VWA3A: variants seen among roughly 807,000 people sequenced by gnomAD.
VWA3A encodes the protein von Willebrand factor A domain-containing protein 3A.
Under a neutral mutation model 160.4 loss-of-function variants are expected in VWA3A, and 134 were observed. That is an observed-to-expected ratio of 0.84 (90% CI 0.73 to 0.96). The LOEUF (loss-of-function observed/expected upper bound fraction) is 0.96, where lower values mean the gene tolerates loss of function less well. Ranked by LOEUF, VWA3A falls within the 40% of genes least tolerant of loss-of-function variation. VWA3A has a pLI of 0.00. For synonymous variants in VWA3A, 476 were observed against 543.4 expected, an observed-to-expected ratio of 0.88 and a Z score of 1.72; for missense variants, 1,310 against 1,447.9, an observed-to-expected ratio of 0.90 and a Z score of 1.55.
rs747847777 is a variant in VWA3A at position 22,131,603 on chromosome 16, G to A, written c.1746G>A (p.Arg582=). The A allele has an allele frequency of 1.1e-5, 18 of 1,613,424 alleles. No individual in the cohort carries two copies. Among genetic ancestry groups the A allele is most frequent in the Middle Eastern group, 1.6e-4 (1 of 6,082 alleles). Residue 582 remains arginine, a synonymous_variant, in exon 19 of 34, where the codon CGG becomes CGA. Coordinates refer to ENST00000389398, the MANE Select transcript of VWA3A (RefSeq NM_173615.5). ...QSAWRWALNL[R]CRGSRNVLSA... is the part of the protein sequence containing the mutation. The stretch of plus-strand genomic sequence containing the variant: ...TCCGCAGGTGGGCCCTGAACCTGCG[G>A]TGTCGGGGCAGCAGGAACGTTCTCA...
chr16:22,118,759 C>T (rs2045686195), intron 11 of VWA3A, 143 bp from the exon 12 acceptor site: 1 of 1,059,276 alleles, frequency 9.4e-7, no homozygotes, highest in African/African-American at 1.6e-5. Flanking sequence ...CTCTGTCTGG[C>T]ACATGGGTCC....
chr16:22,146,851 C>T (rs1297237482), intron 27 of VWA3A, among the ~76,000 whole-genome samples: 1 of 152,098 alleles, frequency 6.6e-6, no homozygotes, highest in Non-Finnish European at 1.5e-5. Flanking sequence ...CAAAGAGCCC[C>T]AGCGGGAGCT....
rs1458742604 is a variant in VWA3A at position 22,115,517 on chromosome 16, C to T, written c.815+45C>T. On this transcript the variant is annotated intron_variant, in intron 9 of 33. Transcript: ENST00000389398. Reference sequence around the variant, plus strand: ...CAGGTGACATACTACATGAAAAGGACTGAAAAACCAAACCACTTTTTGAGA... The same window carrying T: ...CAGGTGACATACTACATGAAAAGGATTGAAAAACCAAACCACTTTTTGAGA... The T allele has an allele frequency of 3.2e-6, 5 of 1,552,884 alleles. No individual in the cohort carries two copies. The South Asian group carries it at 6.1e-5, about 19-fold the overall frequency.
chr16:22,125,715 G>A (rs376842760), intron 16 of VWA3A, among the ~76,000 whole-genome samples: 2 of 152,040 alleles, frequency 1.3e-5, no homozygotes, highest in African/African-American at 4.8e-5. Flanking sequence ...GAGCCACCGC[G>A]CCCGGCCTTA....
chr16:22,148,592 G>T (rs1186506944), intron 28 of VWA3A, among the ~76,000 whole-genome samples: 1 of 152,034 alleles, frequency 6.6e-6, no homozygotes, highest in African/African-American at 2.4e-5. Context: ...GCAACAAAGT[G>T]TCATCCCATC....
At chr16:22,123,347 T>C (rs970021398) in intron 15 of VWA3A, 182 bp downstream of exon 15, 26 of 1,228,410 alleles carry the variant, frequency 2.1e-5, no homozygotes, top group Non-Finnish European at 2.8e-5. Flanking sequence ...GGGACCTCAA[T>C]GCCTTTAAAA....
rs1338518304 is a variant in VWA3A at position 22,155,547 on chromosome 16, A to G, written c.3406-20A>G. On this transcript the variant is annotated intron_variant, in intron 31 of 33. Coordinates refer to ENST00000389398, the MANE Select transcript of VWA3A (RefSeq NM_173615.5). ...GCTCCCATCCAGTCATAAACTTCACACTCATTTCCTCTTTTCAAGGATCCC... is the reference window on the plus strand; with the variant it reads ...GCTCCCATCCAGTCATAAACTTCACGCTCATTTCCTCTTTTCAAGGATCCC... The G allele has an allele frequency of 6.2e-7, 1 of 1,609,704 alleles. No homozygotes were observed. The highest frequency in any genetic ancestry group is 1.1e-5 in the South Asian group (1 of 90,970).
At position 22,145,837 on chromosome 16, in the gene VWA3A, T is replaced by C. The variant is rs1255075099; in HGVS notation, c.2731-399T>C. On this transcript the variant is annotated intron_variant, in intron 26 of 33. Coordinates refer to ENST00000389398, the MANE Select transcript of VWA3A (RefSeq NM_173615.5). ...TTTTTGTGGGTTTTTGTTTGTTTGT[T>C]GAGACAGGATCTTGCTCTGTCATCC... Among the ~76,000 whole-genome samples the C allele has an allele frequency of 2.0e-5, 3 of 151,964 alleles. No individual in the cohort carries two copies. The South Asian group carries it at 6.2e-4, about 32-fold the overall frequency.
intron 22 of VWA3A, among the ~76,000 whole-genome samples, chr16:22,139,198 C>G (rs1188262757): frequency 6.6e-6 from 1 of 152,276 alleles, no homozygotes; most frequent in Non-Finnish European, 1.5e-5. Flanking sequence ...CCTGTGCAGC[C>G]GGGTTCTGCC....
At chr16:22,094,697 G>C (rs143181378) in intron 1 of VWA3A, among the ~76,000 whole-genome samples, 8 of 152,160 alleles carry the variant, frequency 5.3e-5, no homozygotes, top group Admixed American at 5.2e-4. Context: ...GGGCGTGGTG[G>C]CTCAACACCT....
intron 9 of VWA3A, chr16:22,116,374 GAA>G: frequency 2.4e-6 from 1 of 415,050 alleles, no homozygotes; most frequent in South Asian, 1.8e-5. Flanking sequence ...AAGGAAGAGA[GAA>G]AAAAGAGGAA....
chr16:22,126,441 A>T, intron 17 of VWA3A, 144 bp downstream of exon 17: 1 of 1,243,032 alleles, frequency 8.0e-7, no homozygotes, highest in Non-Finnish European at 1.1e-6. Context: ...GGTTTATCTG[A>T]TTTGGATGAT....
At chr16:22,143,257 G>C (rs2046186857) in intron 25 of VWA3A, among the ~76,000 whole-genome samples, 1 of 152,008 alleles carries the variant, frequency 6.6e-6, no homozygotes, top group Non-Finnish European at 1.5e-5. Flanking sequence ...GCCACTTCCT[G>C]CCTGGGTGAC....
chr16:22,096,997 G>T (rs1232235325), intron 2 of VWA3A, 52 bp downstream of exon 2: 37 of 1,192,728 alleles, frequency 3.1e-5, no homozygotes, highest in South Asian at 1.5e-4. Flanking sequence ...GCAGATTCTC[G>T]CACTGTCTCC....
In VWA3A at chr16:22,131,061, G is replaced by A. The variant is rs950725724; in HGVS notation, c.1653-144G>A. ...CATATGACCCACAAGGAAATCTCAT[G>A]GCTGGCCCAGGCCAGTGACATCCTC... On this transcript the variant is annotated intron_variant, in intron 17 of 33. Coordinates refer to ENST00000389398, the MANE Select transcript of VWA3A (RefSeq NM_173615.5). The A allele has an allele frequency of 4.2e-6, 3 of 713,764 alleles. No homozygotes were observed. The African/African-American group carries it at 5.3e-5, about 13-fold the overall frequency. 44.2% of individuals were successfully genotyped at this position (713,764 alleles called of 1,614,324 possible). A position where few individuals can be genotyped will look rare whatever the true frequency, so the allele number is the denominator to read the frequency against.
intron 18 of VWA3A, 123 bp from the exon 19 acceptor site, chr16:22,131,462 T>A: frequency 6.7e-7 from 1 of 1,501,560 alleles, no homozygotes. Context: ...CCATCTTCAC[T>A]TTATGAGAGT....
rs776374263 is a variant in VWA3A, at chr16:22,110,896, C to T, written c.591C>T (p.Ile197=). Residue 197 remains isoleucine, a synonymous_variant, in exon 8 of 34, where the codon ATC becomes ATT. Transcript: ENST00000389398. The stretch of plus-strand genomic sequence containing the variant: ...GTCCTTTTGTCCAACAGAGCCTCAT[C>T]GATGAGCAGCTGAGCCACAAGGAGA... ...EEFQKDLMSL[I]DEQLSHKEKL... 3.7e-6 allele frequency: 6 copies of T among 1,605,958 alleles called. No homozygotes were observed. Among genetic ancestry groups the T allele is most frequent in the East Asian group, 2.2e-5 (1 of 44,570 alleles).
At chr16:22,100,342 A>AC in intron 4 of VWA3A, 24 bp downstream of exon 4, 1 of 1,550,664 alleles carries the variant, frequency 6.4e-7, no homozygotes, top group African/African-American at 1.4e-5. Flanking sequence ...TGTTCCCCGC[A>AC]CCCCCCACAG....
intron 5 of VWA3A, among the ~76,000 whole-genome samples, chr16:22,100,964 CAAAAAA>C (rs59096934): frequency 4.9e-5 from 3 of 60,790 alleles, no homozygotes; most frequent in South Asian, 5.2e-4. Flanking sequence ...GACCCTGTCT[CAAAAAA>C]AAAAAAAAAA....
Sources: gnomAD v4.1 joint callset for allele counts (sites outside exome capture counted in the v4.1 genomes callset) on GRCh38, gnomAD v4.1.1 for gene constraint, MANE v1.5 for transcripts, NCBI Gene and HGNC (gene_info 2026-07-23, HGNC 2026-07-21) for gene names.